Variants in DLGAP2 observed in about 807,000 individuals in gnomAD.
DLGAP2 encodes disks large-associated protein 2.
In DLGAP2, 26 loss-of-function variants were observed where a neutral mutation model predicts 100.3. That is an observed-to-expected ratio of 0.26 (90% CI 0.19 to 0.36). The LOEUF (loss-of-function observed/expected upper bound fraction) is 0.36, where lower values mean the gene tolerates loss of function less well. Among genes scored for constraint, DLGAP2 ranks in the 10% least tolerant of loss-of-function variants. The probability of loss-of-function intolerance (pLI) is 1.00; values close to 1 mark genes in which losing one functional copy is unlikely to be tolerated. For synonymous variants in DLGAP2, 886 were observed against 630.1 expected (o/e 1.41, Z -6.08); for missense variants, 1,858 against 1,453.2 (o/e 1.28, Z -4.53).
chr8:1,392,324 C>A (rs577600022), intron 3 of DLGAP2, among the ~76,000 whole-genome samples: 1 of 152,230 alleles, frequency 6.6e-6, no homozygotes, highest in South Asian at 2.1e-4. Context: ...GATCCAGGGT[C>A]GAGGTGCAGG....
chr8:1,153,662 T>A (rs1032365093), intron 2 of DLGAP2, among the ~76,000 whole-genome samples: 2 of 152,248 alleles, frequency 1.3e-5, no homozygotes, highest in African/African-American at 4.8e-5. Context: ...AATGTGAGTC[T>A]AATGAGAACT....
intron 2 of DLGAP2, among the ~76,000 whole-genome samples, chr8:1,233,707 A>G (rs1376618931): frequency 2.0e-5 from 3 of 152,158 alleles, no homozygotes; most frequent in African/African-American, 4.8e-5. Context: ...TGTTGAGCAC[A>G]TGTCAGTTGA....
intron 2 of DLGAP2, among the ~76,000 whole-genome samples, chr8:919,187 T>G (rs866275521): frequency 6.6e-6 from 1 of 152,200 alleles, no homozygotes; most frequent in African/African-American, 2.4e-5. Context: ...TGGAAAGACT[T>G]GACATTGTAA....
At chr8:1,174,770 T>C (rs1279481488) in intron 2 of DLGAP2, among the ~76,000 whole-genome samples, 1 of 152,088 alleles carries the variant, frequency 6.6e-6, no homozygotes. Flanking sequence ...ACTATCATCA[T>C]TGTCATCATC....
At chr8:1,090,465 C>A (rs60001173) in intron 2 of DLGAP2, among the ~76,000 whole-genome samples, 19,470 of 152,336 alleles carry the variant, frequency 0.13, 1,403 homozygotes, top group East Asian at 0.32. Flanking sequence ...TTGACCACGA[C>A]AGGGTTCGCC....
chr8:1,679,841 G>A (rs1030407032), intron 12 of DLGAP2, among the ~76,000 whole-genome samples: 13 of 152,058 alleles, frequency 8.5e-5, no homozygotes, highest in African/African-American at 2.9e-4. Flanking sequence ...TGAGCCAGGC[G>A]TGGTGGCGGG....
At chr8:1,551,152 T>C (rs1414188106) in intron 5 of DLGAP2, among the ~76,000 whole-genome samples, 2 of 152,206 alleles carry the variant, frequency 1.3e-5, no homozygotes, top group African/African-American at 4.8e-5. Context: ...CAGAGACAAA[T>C]TGGTAGTTGC....
intron 6 of DLGAP2, among the ~76,000 whole-genome samples, chr8:1,589,720 G>A (rs1796234151): frequency 6.6e-6 from 1 of 152,186 alleles, no homozygotes; most frequent in African/African-American, 2.4e-5. Flanking sequence ...TAAAGAAGAT[G>A]TACAGTAAGG....
intron 4 of DLGAP2, among the ~76,000 whole-genome samples, chr8:1,538,331 G>A (rs762065435): frequency 3.9e-5 from 6 of 152,098 alleles, no homozygotes; most frequent in South Asian, 2.1e-4. Context: ...CAGGCTGTCC[G>A]TTCCCCCAAT....
rs1236432300 is a variant in DLGAP2, at chr8:1,350,796, G to GAC, written c.106+91914_106+91915insCA. 9.2e-5 allele frequency among the ~76,000 whole-genome samples: 5 copies of GAC among 54,610 alleles called. 1 individual carries two copies. Among genetic ancestry groups the GAC allele is most frequent in the African/African-American group, 1.2e-4 (2 of 16,858 alleles). 35.8% of individuals were successfully genotyped at this position (54,610 alleles called of 152,430 possible). A position where few individuals can be genotyped will look rare whatever the true frequency, so the allele number is the denominator to read the frequency against. On this transcript the variant is annotated intron_variant, in intron 3 of 14. Transcript: ENST00000637795. ...TGCGTGGAAAGGCCGTGCGGGTCCT[G>GAC]AGTGTGCGTGGAAAGGCCATGCGGG...
At chr8:1,313,662 G>A (rs1182935755) in intron 3 of DLGAP2, among the ~76,000 whole-genome samples, 1 of 152,158 alleles carries the variant, frequency 6.6e-6, no homozygotes, top group Non-Finnish European at 1.5e-5. Flanking sequence ...TCTGTCCCGG[G>A]ATACCTCAAG....
At chr8:1,381,825 T>TG (rs1247904894) in intron 3 of DLGAP2, among the ~76,000 whole-genome samples, 14 of 101,444 alleles carry the variant, frequency 1.4e-4, no homozygotes, top group East Asian at 3.2e-4. Flanking sequence ...GTGTGTGTGT[T>TG]TGTATCACAT....
chr8:955,664 T>C (rs987630957), intron 2 of DLGAP2, among the ~76,000 whole-genome samples: 2 of 152,220 alleles, frequency 1.3e-5, no homozygotes, highest in Non-Finnish European at 1.5e-5. Flanking sequence ...TTCAAGGCTT[T>C]TTTCACTTAA....
intron 1 of DLGAP2, among the ~76,000 whole-genome samples, chr8:778,422 C>G (rs1159365433): frequency 6.6e-6 from 1 of 152,192 alleles, no homozygotes; most frequent in South Asian, 2.1e-4. Flanking sequence ...GAGAGGCGCT[C>G]TGCTTTTTAG....
intron 1 of DLGAP2, among the ~76,000 whole-genome samples, chr8:907,290 T>G (rs1290720357): frequency 6.6e-6 from 1 of 152,220 alleles, no homozygotes; most frequent in African/African-American, 2.4e-5. Context: ...CCCACAGACA[T>G]CTCTTCAGCT....
intron 12 of DLGAP2, among the ~76,000 whole-genome samples, chr8:1,683,320 G>A (rs1177895511): frequency 6.6e-6 from 1 of 151,522 alleles, no homozygotes; most frequent in Non-Finnish European, 1.5e-5. Flanking sequence ...AGATTCAAGA[G>A]TCCACGCAGA....
intron 1 of DLGAP2, among the ~76,000 whole-genome samples, chr8:799,297 A>G (rs536541946): frequency 6.6e-6 from 1 of 152,206 alleles, no homozygotes; most frequent in Non-Finnish European, 1.5e-5. Flanking sequence ...TTTCACTGGC[A>G]GAGGCTTTGT....
At chr8:1,175,458 A>C (rs891445530) in intron 2 of DLGAP2, among the ~76,000 whole-genome samples, 3 of 152,240 alleles carry the variant, frequency 2.0e-5, no homozygotes, top group Admixed American at 2.0e-4. Context: ...ACTATTATAA[A>C]AGCATAATTT....
At chr8:1,305,590 G>T (rs1800471184) in intron 3 of DLGAP2, among the ~76,000 whole-genome samples, 1 of 152,136 alleles carries the variant, frequency 6.6e-6, no homozygotes, top group South Asian at 2.1e-4. Context: ...AGAAACTAAG[G>T]ACATTGCTTG....
Sources: gnomAD v4.1 joint callset for allele counts (sites outside exome capture counted in the v4.1 genomes callset) on GRCh38, gnomAD v4.1.1 for gene constraint, MANE v1.5 for transcripts, NCBI Gene and HGNC (gene_info 2026-07-23, HGNC 2026-07-21) for gene names.